The following LGSN variants were observed in gnomAD, a reference collection of about 807,000 sequenced individuals.
LGSN encodes the protein lengsin, lens protein with glutamine synthetase domain.
LGSN carries 21 observed loss-of-function variants against 19.5 expected under a neutral mutation model. That is an observed-to-expected ratio of 1.07 (90% CI 0.76 to 1.55). LGSN has a LOEUF of 1.55. Among genes scored for constraint, LGSN ranks in the 40% most tolerant of loss-of-function variants. The probability of loss-of-function intolerance (pLI) is 0.00; values close to 1 mark genes in which losing one functional copy is unlikely to be tolerated. For synonymous variants in LGSN, 257 were observed against 215.6 expected (o/e 1.19, Z -1.68); for missense variants, 673 against 608.5 (o/e 1.11, Z -1.12).
At chr6:63,361,084 G>A in the LGSN span, among the ~76,000 whole-genome samples, 1 of 152,246 alleles carries the variant, frequency 6.6e-6, no homozygotes, top group African/African-American at 2.4e-5. Context: ...GTGCCTCCCA[G>A]TTAGGCTACT....
the LGSN span, among the ~76,000 whole-genome samples, chr6:63,529,217 G>GTGTATATATAT: frequency 2.0e-5 from 3 of 146,580 alleles, no homozygotes; most frequent in African/African-American, 7.5e-5. Flanking sequence ...ATATATATTT[G>GTGTATATATAT]CTAATAACTT....
At chr6:63,515,984 A>T in the LGSN span, among the ~76,000 whole-genome samples, 4 of 152,124 alleles carry the variant, frequency 2.6e-5, no homozygotes, top group African/African-American at 9.7e-5. Context: ...ATCTTGAAAA[A>T]TTTTCAGTAG....
the LGSN span, among the ~76,000 whole-genome samples, chr6:63,554,822 C>T: frequency 2.6e-5 from 4 of 152,260 alleles, no homozygotes; most frequent in Admixed American, 1.3e-4. Context: ...TGTATTGTCA[C>T]TGTTTACATA....
chr6:63,501,399 A>G, the LGSN span, among the ~76,000 whole-genome samples: 5,935 of 151,804 alleles, frequency 0.039, 407 homozygotes, highest in African/African-American at 0.14. Flanking sequence ...AGCCATTGTC[A>G]CTACCCCTTG....
the LGSN span, among the ~76,000 whole-genome samples, chr6:63,412,785 G>A: frequency 7.3e-6 from 1 of 137,474 alleles, no homozygotes; most frequent in Admixed American, 7.4e-5. Context: ...GGAAGGGAAG[G>A]AAGGAAAGAA....
the LGSN span, among the ~76,000 whole-genome samples, chr6:63,443,075 C>T: frequency 2.6e-5 from 4 of 152,210 alleles, no homozygotes; most frequent in Non-Finnish European, 5.9e-5. Context: ...GCTGCAGGTC[C>T]TGAGCCCTGC....
the LGSN span, among the ~76,000 whole-genome samples, chr6:63,391,335 C>T: frequency 6.6e-6 from 1 of 152,186 alleles, no homozygotes; most frequent in Non-Finnish European, 1.5e-5. Context: ...AACTACTCAG[C>T]CAGCAGCTGG....
chr6:63,492,984 T>A, the LGSN span, among the ~76,000 whole-genome samples: 8 of 152,244 alleles, frequency 5.3e-5, no homozygotes, highest in Non-Finnish European at 1.0e-4. Flanking sequence ...TACAGACTAT[T>A]CTGCTTTGGG....
At chr6:63,378,744 A>T in the LGSN span, among the ~76,000 whole-genome samples, 1 of 151,824 alleles carries the variant, frequency 6.6e-6, no homozygotes, top group Non-Finnish European at 1.5e-5. Flanking sequence ...ACACAACCCC[A>T]CCCCATGCTG....
At chr6:63,355,060 C>G in the LGSN span, among the ~76,000 whole-genome samples, 1 of 151,970 alleles carries the variant, frequency 6.6e-6, no homozygotes. Flanking sequence ...AGAAGGGTGA[C>G]TACAGTAAAC....
the LGSN span, among the ~76,000 whole-genome samples, chr6:63,507,547 A>T: frequency 6.6e-6 from 1 of 152,180 alleles, no homozygotes; most frequent in South Asian, 2.1e-4. Context: ...GGTGTTCCAC[A>T]ATCAGGAACA....
At chr6:63,484,012 G>A in the LGSN span, among the ~76,000 whole-genome samples, 5 of 152,080 alleles carry the variant, frequency 3.3e-5, no homozygotes, top group Admixed American at 1.3e-4. Context: ...AAATTACCCA[G>A]GCATGTGGGC....
At chr6:63,381,504 A>C in the LGSN span, among the ~76,000 whole-genome samples, 142 of 152,338 alleles carry the variant, frequency 9.3e-4, 1 homozygote, top group African/African-American at 3.2e-3. Flanking sequence ...ACTTCTTATG[A>C]AAAGTAATAT....
the LGSN span, among the ~76,000 whole-genome samples, chr6:63,421,573 C>A: frequency 6.6e-6 from 1 of 151,994 alleles, no homozygotes; most frequent in South Asian, 2.1e-4. Flanking sequence ...ACTAAAAATA[C>A]AAAAATTAGC....
At chr6:63,300,373 A>G (rs1026955345) in intron 1 of LGSN, among the ~76,000 whole-genome samples, 1 of 152,212 alleles carries the variant, frequency 6.6e-6, no homozygotes, top group Admixed American at 6.5e-5. Flanking sequence ...GCTGCGTTAA[A>G]TTCAGAAATA....
chr6:63,294,142 C>A (rs1767881212), intron 2 of LGSN, among the ~76,000 whole-genome samples: 1 of 151,926 alleles, frequency 6.6e-6, no homozygotes, highest in Non-Finnish European at 1.5e-5. Flanking sequence ...TGAGACCAGA[C>A]CGGCTAACAT....
At chr6:63,388,254 A>C in the LGSN span, among the ~76,000 whole-genome samples, 1 of 152,100 alleles carries the variant, frequency 6.6e-6, no homozygotes, top group Non-Finnish European at 1.5e-5. Context: ...AATTATGAAG[A>C]TAAGGAAAAA....
chr6:63,485,615 C>T, the LGSN span, among the ~76,000 whole-genome samples: 1 of 152,198 alleles, frequency 6.6e-6, no homozygotes, highest in African/African-American at 2.4e-5. Flanking sequence ...GCCTCACTGC[C>T]TTCCACAATA....
chr6:63,329,535 G>A, the LGSN span, among the ~76,000 whole-genome samples: 6 of 152,326 alleles, frequency 3.9e-5, no homozygotes, highest in South Asian at 6.2e-4. Flanking sequence ...GCCTTCAAAT[G>A]TTTAACAATA....
Sources: gnomAD v4.1 joint callset for allele counts (sites outside exome capture counted in the v4.1 genomes callset) on GRCh38, gnomAD v4.1.1 for gene constraint, MANE v1.5 for transcripts, NCBI Gene and HGNC (gene_info 2026-07-23, HGNC 2026-07-21) for gene names.